FREM3: variants seen among roughly 807,000 people sequenced by gnomAD.
FREM3 encodes the protein FRAS1-related extracellular matrix protein 3.
In FREM3, 105 loss-of-function variants were observed where a neutral mutation model predicts 129.1. That is an observed-to-expected ratio of 0.81 (90% CI 0.69 to 0.96). FREM3 has a LOEUF of 0.96. Among genes scored for constraint, FREM3 ranks in the 40% least tolerant of loss-of-function variants. The pLI, the probability that FREM3 is intolerant of heterozygous loss-of-function variation, is 0.00. For synonymous variants in FREM3, 1,014 were observed against 1,044.9 expected, an observed-to-expected ratio of 0.97 and a Z score of 0.57; for missense variants, 2,593 against 2,666.3, an observed-to-expected ratio of 0.97 and a Z score of 0.61.
intron 2 of FREM3, among the ~76,000 whole-genome samples, chr4:143,661,378 T>A (rs1739720203): frequency 6.6e-6 from 1 of 152,220 alleles, no homozygotes; most frequent in Non-Finnish European, 1.5e-5. Flanking sequence ...TCTGTTTATA[T>A]GCTGGATTAC....
intron 2 of FREM3, among the ~76,000 whole-genome samples, chr4:143,661,647 T>C (rs1393098300): frequency 6.6e-6 from 1 of 152,194 alleles, no homozygotes; most frequent in Admixed American, 6.5e-5. Flanking sequence ...TTGATTGGAA[T>C]AGTTTCAGAA....
chr4:143,613,878 ATC>A (rs970227600), intron 5 of FREM3, among the ~76,000 whole-genome samples: 1 of 152,200 alleles, frequency 6.6e-6, no homozygotes, highest in African/African-American at 2.4e-5. Context: ...AAATATAACT[ATC>A]TGTATTAAAC....
rs199842882 is a variant in FREM3, at chr4:143,699,106, C to T, written c.1570G>A (p.Gly524Arg). 4.1e-4 allele frequency: 630 copies of T among 1,537,150 alleles called. 1 individual carries two copies. Among genetic ancestry groups the T allele is most frequent in the Admixed American group, 7.1e-4 (36 of 50,962 alleles). The change falls in exon 1 of 8, where the codon GGG (glycine) becomes AGG (arginine). Residue 524 changes from glycine to arginine, a missense_variant. This residue lies in a region of FREM3 where 2,276 missense variants were observed against 2,267.2 expected (regional missense o/e 1.00). Coordinates refer to ENST00000329798, the MANE Select transcript of FREM3 (RefSeq NM_001168235.2). This position sits in a 1 kb window ranked among gnomAD's most constrained non-coding sequence, Gnocchi z 4.2. ...AAGAGGAAGTCCACTTGGTGGTGCC[C>T]GTCCTCCATCCGGAAGATGATATTG... is the stretch of plus-strand genomic sequence containing the variant. Reference protein sequence around the residue: ...SDNIIFRMEDGHHQVDFLFPL... With the variant: ...SDNIIFRMEDRHHQVDFLFPL...
At chr4:143,608,686 A>G (rs559611130) in intron 6 of FREM3, among the ~76,000 whole-genome samples, 1 of 152,308 alleles carries the variant, frequency 6.6e-6, no homozygotes, top group South Asian at 2.1e-4. Flanking sequence ...ATCAAAATGT[A>G]ACTCAGTATG....
rs150838355 is a variant in FREM3 at position 143,614,250 on chromosome 4, A to G, written c.5780-2723T>C. On this transcript the variant is annotated intron_variant, in intron 5 of 7. Transcript: ENST00000329798. ...GAACATTCCTTTTAGGATTCTAGAA[A>G]ATTTACTTTGGGCAACTCTTTGAGC... 4.6e-5 allele frequency among the ~76,000 whole-genome samples: 7 copies of G among 152,358 alleles called. No individual in the cohort carries two copies. The East Asian group carries it at 1.3e-3, about 29-fold the overall frequency.
At position 143,693,203 on chromosome 4, in the gene FREM3, CT is replaced by C; in HGVS notation, c.5186-2del. On this transcript the variant is annotated splice_acceptor_variant, in intron 1 of 7. Transcript: ENST00000329798. LOFTEE classifies it high-confidence loss of function. ...GATATCTTCATCTCATCAATGTCAG[CT>C]AAAAAAAAAGCAACCATCACACAAA... The C allele has an allele frequency of 6.8e-7, 1 of 1,473,000 alleles. No homozygotes were observed. 91.2% of individuals were successfully genotyped at this position (1,473,000 alleles called of 1,614,324 possible). A position where few individuals can be genotyped will look rare whatever the true frequency, so the allele number is the denominator to read the frequency against.
At position 143,696,905 on chromosome 4, in the gene FREM3, G is replaced by A; in HGVS notation, c.3771C>T (p.Leu1257=). 2 of 1,537,730 alleles carry A rather than the reference G, an allele frequency of 1.3e-6. No individual in the cohort carries two copies. The highest frequency in any genetic ancestry group is 1.7e-6 in the Non-Finnish European group (2 of 1,147,022). ...TGGTGGAGGCCTCCTGGATCTCCTT[G>A]AGGGTGAAGCTGTGGATGGGCTGGC... ...TGSQPIHSFT[L]KEIQEASTIV... The change falls in exon 1 of 8, where the codon CTC becomes CTT. Residue 1257 remains leucine (L), a synonymous_variant. Coordinates refer to ENST00000329798, the MANE Select transcript of FREM3 (RefSeq NM_001168235.2).
At chr4:143,630,280 A>G (rs11725705) in intron 2 of FREM3, among the ~76,000 whole-genome samples, 56,039 of 152,056 alleles carry the variant, frequency 0.37, 11,845 homozygotes, top group Non-Finnish European at 0.47. Context: ...AAACAGCATA[A>G]GATTAATTTA....
chr4:143,698,310 G>T lies in FREM3; in HGVS notation c.2366C>A (p.Pro789His). ...TGGTGCAATACCCAATTTCTGTGGA[G>T]GCTGGTAGGCAACTTTATGCTGATT... Reference protein sequence around the residue: ...QVNQHKVAYQPPQKLGIAPRV... With the variant: ...QVNQHKVAYQHPQKLGIAPRV... Residue 789 changes from proline (P) to histidine (H), a missense_variant, in exon 1 of 8, where the codon CCT (proline) becomes CAT (histidine). This residue lies in a region of FREM3 where 2,276 missense variants were observed against 2,267.2 expected (regional missense o/e 1.00). Coordinates refer to ENST00000329798, the MANE Select transcript of FREM3 (RefSeq NM_001168235.2). 4 of 1,537,748 alleles carry T rather than the reference G, an allele frequency of 2.6e-6. No homozygotes were observed. Among genetic ancestry groups the T allele is most frequent in the Non-Finnish European group, 3.5e-6 (4 of 1,147,032 alleles).
intron 6 of FREM3, among the ~76,000 whole-genome samples, chr4:143,591,707 G>A (rs1212149056): frequency 1.3e-5 from 2 of 152,184 alleles, no homozygotes; most frequent in African/African-American, 4.8e-5. Context: ...TGAAAAGAAT[G>A]TATATTCTGT....
At chr4:143,690,666 A>T (rs764519276) in intron 2 of FREM3, among the ~76,000 whole-genome samples, 3 of 152,342 alleles carry the variant, frequency 2.0e-5, no homozygotes, top group Non-Finnish European at 1.5e-5. Flanking sequence ...CATTTGGGAA[A>T]TCTTTTTAAG....
At chr4:143,580,959 A>G (rs796266951) in intron 7 of FREM3, among the ~76,000 whole-genome samples, 1 of 152,054 alleles carries the variant, frequency 6.6e-6, no homozygotes, top group Non-Finnish European at 1.5e-5. Flanking sequence ...AGCCCCACCT[A>G]GGCTCTTGGC....
intron 3 of FREM3, among the ~76,000 whole-genome samples, chr4:143,625,864 G>A (rs374555009): frequency 6.6e-6 from 1 of 152,150 alleles, no homozygotes; most frequent in Non-Finnish European, 1.5e-5. Flanking sequence ...CTTGAGCATT[G>A]GCGGTATGCC....
intron 2 of FREM3, among the ~76,000 whole-genome samples, chr4:143,673,887 G>C (rs1436274638): frequency 6.6e-6 from 1 of 152,238 alleles, no homozygotes; most frequent in Non-Finnish European, 1.5e-5. Flanking sequence ...GGGACCCTCC[G>C]AGCCATGCGC....
intron 2 of FREM3, among the ~76,000 whole-genome samples, chr4:143,636,930 C>G (rs567743278): frequency 9.9e-5 from 15 of 152,232 alleles, no homozygotes; most frequent in Admixed American, 3.3e-4. Context: ...GATATTCTAT[C>G]TTGAGTGCTT....
At chr4:143,627,849 A>C in intron 2 of FREM3, 89 bp from the exon 3 acceptor site, 1 of 805,850 alleles carries the variant, frequency 1.2e-6, no homozygotes, top group Non-Finnish European at 1.9e-6. Flanking sequence ...TTCTGAAACC[A>C]AGGGTTTCAA....
intron 7 of FREM3, among the ~76,000 whole-genome samples, chr4:143,582,843 C>T (rs1278764822): frequency 6.6e-6 from 1 of 151,088 alleles, no homozygotes; most frequent in African/African-American, 2.4e-5. Flanking sequence ...GAAAACACTA[C>T]AAGAATTTCA....
chr4:143,684,525 T>A (rs561000886), intron 2 of FREM3, among the ~76,000 whole-genome samples: 6 of 152,308 alleles, frequency 3.9e-5, no homozygotes, highest in Non-Finnish European at 7.4e-5. Context: ...GCCCTAGACC[T>A]TCCCTCTGAC....
At chr4:143,635,110 A>T (rs1334359448) in intron 2 of FREM3, among the ~76,000 whole-genome samples, 1 of 152,166 alleles carries the variant, frequency 6.6e-6, no homozygotes, top group African/African-American at 2.4e-5. Context: ...AGCTGACACT[A>T]TGTACTTCAA....
Sources: gnomAD v4.1 joint callset for allele counts (sites outside exome capture counted in the v4.1 genomes callset) on GRCh38, gnomAD v4.1.1 for gene constraint, gnomAD v4.1.1 regional missense constraint, Gnocchi (gnomAD v3.1) non-coding constraint, MANE v1.5 for transcripts, NCBI Gene and HGNC (gene_info 2026-07-23, HGNC 2026-07-21) for gene names.